Variants in FZD3 observed in about 807,000 individuals in gnomAD.
FZD3 encodes frizzled-3.
In FZD3, 30 loss-of-function variants were observed where a neutral mutation model predicts 60.7. The observed-to-expected ratio is 0.49, with a 90% confidence interval of 0.37 to 0.67. FZD3 has a LOEUF of 0.67. FZD3 is among the 30% of genes least tolerant of loss of function. The pLI is 0.00. For synonymous variants in FZD3, 246 were observed against 275.2 expected, an observed-to-expected ratio of 0.89 and a Z score of 1.05; for missense variants, 605 against 838.7, an observed-to-expected ratio of 0.72 and a Z score of 3.44.
intron 4 of FZD3, among the ~76,000 whole-genome samples, chr8:28,522,586 T>C (rs1026298406): frequency 6.6e-6 from 1 of 152,120 alleles, no homozygotes; most frequent in African/African-American, 2.4e-5. Context: ...GTTTTATGCT[T>C]CTTGTATTTA....
chr8:28,538,306 T>G (rs1468370906), intron 5 of FZD3, among the ~76,000 whole-genome samples: 2 of 152,072 alleles, frequency 1.3e-5, no homozygotes, highest in Non-Finnish European at 2.9e-5. Flanking sequence ...TTTATGAGAA[T>G]AGTAGAGTAG....
chr8:28,516,728 T>TAA (rs1434401159), intron 3 of FZD3, among the ~76,000 whole-genome samples: 2 of 152,160 alleles, frequency 1.3e-5, no homozygotes, highest in African/African-American at 2.4e-5. Flanking sequence ...TCTACAGTCT[T>TAA]ACTATTTGAT....
intron 5 of FZD3, among the ~76,000 whole-genome samples, chr8:28,544,345 A>G (rs1414597814): frequency 6.6e-6 from 1 of 152,176 alleles, no homozygotes; most frequent in Non-Finnish European, 1.5e-5. Context: ...TATGCAGAAT[A>G]TAAGTCCTAG....
intron 5 of FZD3, among the ~76,000 whole-genome samples, chr8:28,529,110 G>T (rs1205237770): frequency 6.6e-6 from 1 of 151,918 alleles, no homozygotes; most frequent in Non-Finnish European, 1.5e-5. Context: ...TTAAGAGATG[G>T]GGTTTCACTT....
intron 5 of FZD3, among the ~76,000 whole-genome samples, chr8:28,548,569 G>T (rs10110467): frequency 0.021 from 3,242 of 152,238 alleles, 103 homozygotes; most frequent in African/African-American, 0.074. Flanking sequence ...TTGAATAAAC[G>T]TATTTTTTCT....
At chr8:28,558,072 G>A (rs1805545386) in intron 7 of FZD3, among the ~76,000 whole-genome samples, 1 of 152,188 alleles carries the variant, frequency 6.6e-6, no homozygotes, top group Non-Finnish European at 1.5e-5. Context: ...TAGGTACGTG[G>A]GTATGGCTAG....
rs1208027308 is a variant in FZD3, at chr8:28,568,605, TTATAAAGATTTAATA to T, written c.*5611_*5625del. 4 of 152,256 alleles carry T rather than the reference TTATAAAGATTTAATA, an allele frequency of 2.6e-5. No individual in the cohort carries two copies. The highest frequency in any genetic ancestry group is 3.4e-3 in the Middle Eastern group (1 of 294). 9.4% of individuals were successfully genotyped at this position (152,256 alleles called of 1,614,324 possible). ...TTGTAGACATTTCTATTTGGTTGAT[TTATAAAGATTTAATA>T]TATAAAGATTTAATATGAGTTAAAC... On this transcript the variant is annotated 3_prime_UTR_variant, in exon 8 of 8. Transcript: ENST00000240093.
intron 3 of FZD3, among the ~76,000 whole-genome samples, chr8:28,513,528 C>G (rs1804344054): frequency 6.6e-6 from 1 of 152,110 alleles, no homozygotes; most frequent in Non-Finnish European, 1.5e-5. Flanking sequence ...GGCGTTTTTA[C>G]AAACCTAAAG....
chr8:28,495,349 T>A (rs1585933632), intron 1 of FZD3, among the ~76,000 whole-genome samples: 1 of 152,144 alleles, frequency 6.6e-6, no homozygotes, highest in African/African-American at 2.4e-5. Flanking sequence ...TTGAGGGAGA[T>A]GCAGCAGCAG....
intron 3 of FZD3, among the ~76,000 whole-genome samples, chr8:28,508,429 T>A (rs1477170382): frequency 7.5e-6 from 1 of 133,036 alleles, no homozygotes; most frequent in African/African-American, 3.6e-5. Flanking sequence ...GGAATACTTT[T>A]TTTTTTTTTT....
chr8:28,554,046 C>G (rs1805459488), intron 6 of FZD3, among the ~76,000 whole-genome samples: 1 of 152,196 alleles, frequency 6.6e-6, no homozygotes, highest in Non-Finnish European at 1.5e-5. Context: ...TACTTTGTTA[C>G]ACTGTGCTGT....
At chr8:28,562,625 T>C (rs1805633544) in intron 7 of FZD3, among the ~76,000 whole-genome samples, 173 bp from the exon 8 acceptor site, 1 of 152,162 alleles carries the variant, frequency 6.6e-6, no homozygotes, top group South Asian at 2.1e-4. Flanking sequence ...TTGTTGGCCA[T>C]GTCAATAATT....
intron 3 of FZD3, among the ~76,000 whole-genome samples, chr8:28,508,842 T>G (rs1804211580): frequency 6.6e-6 from 1 of 152,194 alleles, no homozygotes; most frequent in African/African-American, 2.4e-5. Context: ...TTATTTAGCA[T>G]CTTTAAATTC....
At chr8:28,525,962 C>T (rs1804704738) in intron 4 of FZD3, among the ~76,000 whole-genome samples, 1 of 152,036 alleles carries the variant, frequency 6.6e-6, no homozygotes, top group Non-Finnish European at 1.5e-5. Flanking sequence ...GGTTTTTGGC[C>T]TGAGCAGCTA....
chr8:28,494,777 A>G (rs1803795233), intron 1 of FZD3, among the ~76,000 whole-genome samples: 1 of 151,762 alleles, frequency 6.6e-6, no homozygotes, highest in Non-Finnish European at 1.5e-5. Context: ...GCCCGGCCGG[A>G]GCCGGCGGCA....
At chr8:28,516,369 G>A (rs1479537671) in intron 3 of FZD3, among the ~76,000 whole-genome samples, 1 of 152,076 alleles carries the variant, frequency 6.6e-6, no homozygotes, top group East Asian at 1.9e-4. Context: ...GATTGTTTTG[G>A]CTATTCAGAG....
chr8:28,552,694 A>ACTT (rs1227729432), intron 6 of FZD3, among the ~76,000 whole-genome samples: 1 of 152,158 alleles, frequency 6.6e-6, no homozygotes, highest in Middle Eastern at 3.2e-3. Context: ...ATTTGAAGTT[A>ACTT]CTTTAGTTTC....
intron 7 of FZD3, among the ~76,000 whole-genome samples, chr8:28,560,192 A>C (rs1463213894): frequency 6.6e-6 from 1 of 150,886 alleles, no homozygotes; most frequent in South Asian, 2.1e-4. Context: ...ATCATCTTCA[A>C]GGTTTTTTTA....
At chr8:28,543,242 T>C (rs1226323790) in intron 5 of FZD3, among the ~76,000 whole-genome samples, 1 of 152,224 alleles carries the variant, frequency 6.6e-6, no homozygotes, top group Non-Finnish European at 1.5e-5. Flanking sequence ...TCGTATTACT[T>C]ACGTAAGTCA....
Sources: allele counts gnomAD v4.1 joint callset (sites outside exome capture counted in the v4.1 genomes callset), GRCh38; gene constraint gnomAD v4.1.1; transcripts MANE v1.5; gene names NCBI Gene and HGNC (gene_info 2026-07-23, HGNC 2026-07-21).